Variants in PTPRS observed in about 807,000 individuals in gnomAD.
PTPRS encodes receptor-type tyrosine-protein phosphatase S.
Under a neutral mutation model 215.3 loss-of-function variants are expected in PTPRS, and 63 were observed. The observed-to-expected ratio is 0.29, with a 90% CI of 0.24 to 0.36. The LOEUF is 0.36. PTPRS is among the 10% of genes least tolerant of loss of function. PTPRS has a pLI of 1.00. For missense variants in PTPRS, 2,258 were observed against 2,825.8 expected, an observed-to-expected ratio of 0.80 and a Z score of 4.56; for synonymous variants, 1,404 against 1,191.4, an observed-to-expected ratio of 1.18 and a Z score of -3.68.
At chr19:5,277,723 T>A (rs940531905) in intron 2 of PTPRS, 1 of 640,482 alleles carries the variant, frequency 1.6e-6, no homozygotes, top group African/African-American at 1.8e-5. Flanking sequence ...AGCCGTCTCC[T>A]CCTCAGCATC....
chr19:5,243,773 A>T, intron 11 of PTPRS, 128 bp downstream of exon 11: 1 of 924,972 alleles, frequency 1.1e-6, no homozygotes, highest in Non-Finnish European at 1.5e-6. Context: ...CACCCGGCCT[A>T]AATGCTAGCA....
intron 1 of PTPRS, among the ~76,000 whole-genome samples, chr19:5,297,719 T>C (rs2049178591): frequency 6.6e-6 from 1 of 151,780 alleles, no homozygotes; most frequent in Admixed American, 6.6e-5. Flanking sequence ...GACAACAGAG[T>C]TGCAGGCAGG....
intron 12 of PTPRS, among the ~76,000 whole-genome samples, chr19:5,239,622 C>T (rs545349086): frequency 1.4e-5 from 2 of 143,772 alleles, no homozygotes; most frequent in Middle Eastern, 3.6e-3. Flanking sequence ...GGGAGAGAGA[C>T]AGACAGAAAC....
chr19:5,261,669 C>T (rs1393702164), intron 6 of PTPRS, among the ~76,000 whole-genome samples: 2 of 152,142 alleles, frequency 1.3e-5, no homozygotes, highest in Admixed American at 1.3e-4. Context: ...TCTGCGTGGC[C>T]CAAACCCATT....
intron 1 of PTPRS, among the ~76,000 whole-genome samples, chr19:5,313,849 C>T (rs1243690851): frequency 1.3e-5 from 2 of 152,090 alleles, no homozygotes; most frequent in Non-Finnish European, 2.9e-5. Flanking sequence ...GTAATCCCAG[C>T]ATTTTGGGAG....
At chr19:5,337,079 C>T (rs1230343011) in intron 1 of PTPRS, among the ~76,000 whole-genome samples, 1 of 152,186 alleles carries the variant, frequency 6.6e-6, no homozygotes, top group African/African-American at 2.4e-5. Context: ...AGCACTGCGC[C>T]CGCCAAACCT....
chr19:5,291,136 GAAGGC>G, intron 1 of PTPRS, among the ~76,000 whole-genome samples: 1 of 152,188 alleles, frequency 6.6e-6, no homozygotes, highest in South Asian at 2.1e-4. Flanking sequence ...GGGACGACGT[GAAGGC>G]TCAGGGCACT....
intron 30 of PTPRS, 54 bp from the exon 31 acceptor site, chr19:5,212,545 G>A: frequency 6.5e-7 from 1 of 1,532,094 alleles, no homozygotes; most frequent in Non-Finnish European, 8.8e-7. Flanking sequence ...CCACCCATGT[G>A]CTGAAGATGC....
chr19:5,274,143 T>C, intron 3 of PTPRS, 56 bp downstream of exon 3: 3 of 1,571,256 alleles, frequency 1.9e-6, no homozygotes, highest in Non-Finnish European at 2.6e-6. Flanking sequence ...TGAGGTGCTG[T>C]GGCCCTGCCT....
rs540544454 is a variant in PTPRS at position 5,261,954 on chromosome 19, A to T, written c.577+1010T>A. The stretch of plus-strand genomic sequence containing the variant: ...TGGCCTTTGCTAGGACACTGGGATG[A>T]CGATGGTGGAAGTCAGGGTTAAAGA... On this transcript the variant is annotated intron_variant, in intron 6 of 37. Coordinates refer to ENST00000262963, the MANE Select transcript of PTPRS (RefSeq NM_002850.4). Among the ~76,000 whole-genome samples the T allele has an allele frequency of 9.7e-4, 148 of 152,330 alleles. 1 individual carries two copies. In the Middle Eastern group the frequency reaches 0.024, roughly 25 times the overall value.
At position 5,338,333 on chromosome 19, in the gene PTPRS, G is replaced by A. The variant is rs2050572972; in HGVS notation, c.-95+2331C>T. Among the ~76,000 whole-genome samples the A allele has an allele frequency of 2.0e-5, 3 of 151,738 alleles. No individual in the cohort carries two copies. The highest frequency in any genetic ancestry group is 1.3e-4 in the Admixed American group (2 of 15,106). Reference sequence around the variant, plus strand: ...CTCAGGATGATGGAGTATGGCGGGCGGTGGCCCCCAGGGGGCTGGGAGGCC... The same window carrying A: ...CTCAGGATGATGGAGTATGGCGGGCAGTGGCCCCCAGGGGGCTGGGAGGCC... On this transcript the variant is annotated intron_variant, in intron 1 of 37. Transcript: ENST00000262963. The surrounding 1 kb of genome is among the most constrained non-coding windows in gnomAD (Gnocchi z 4.2).
At chr19:5,305,495 T>G (rs574380151) in intron 1 of PTPRS, among the ~76,000 whole-genome samples, 10 of 151,752 alleles carry the variant, frequency 6.6e-5, no homozygotes, top group South Asian at 2.1e-4. Flanking sequence ...TGCAGTGAGC[T>G]ATAATAGTGC....
intron 2 of PTPRS, chr19:5,277,811 C>A: frequency 1.3e-6 from 1 of 757,706 alleles, no homozygotes; most frequent in African/African-American, 1.7e-5. Flanking sequence ...ACCAGTCAGA[C>A]CAATATGTCA....
At position 5,258,123 on chromosome 19, in the gene PTPRS, G is replaced by A. The variant is rs777671461; in HGVS notation, c.600C>T (p.Ala200=). Residue 200 remains alanine (A), a synonymous_variant, in exon 8 of 38, where the codon GCC becomes GCT. Transcript: ENST00000262963. The stretch of plus-strand genomic sequence containing the variant: ...TTTCCTCACTGCTTTCAATCTGCAG[G>A]GCTCCTGTGGGAAGATGGGAAAAAG... The part of the protein sequence containing the change: ...ETFESTPIRG[A]LQIESSEETD... 15 of 1,613,710 alleles carry A rather than the reference G, an allele frequency of 9.3e-6. No homozygotes were observed. The African/African-American group carries it at 2.0e-4, about 22-fold the overall frequency.
chr19:5,313,515 C>G (rs2049775530), intron 1 of PTPRS, among the ~76,000 whole-genome samples: 1 of 152,166 alleles, frequency 6.6e-6, no homozygotes. Flanking sequence ...CCTCCTGTGA[C>G]AGAGATGGGC....
intron 36 of PTPRS, 32 bp downstream of exon 36, chr19:5,208,205 G>A (rs60630722): frequency 0.12 from 185,090 of 1,563,588 alleles, 12,019 homozygotes; most frequent in Admixed American, 0.26. Flanking sequence ...TCCCCAGCAG[G>A]GCCAAAAGCT....
intron 1 of PTPRS, among the ~76,000 whole-genome samples, chr19:5,299,801 C>T (rs1329693434): frequency 1.3e-5 from 2 of 152,010 alleles, no homozygotes; most frequent in East Asian, 1.9e-4. Flanking sequence ...ACCTGGGAGG[C>T]GGAGGTTGCA....
Position 5,258,007 on chromosome 19 carries a change from CG to C in PTPRS, c.706+9del. On this transcript the variant is annotated intron_variant, in intron 8 of 37. Coordinates refer to ENST00000262963, the MANE Select transcript of PTPRS (RefSeq NM_002850.4). Reference sequence around the variant, plus strand: ...GTCCCTGCCTTTGACCTGGACGCGGCGTTCCCTACCTCGCACGTAGAGGTTG... The same window carrying C: ...GTCCCTGCCTTTGACCTGGACGCGGCTTCCCTACCTCGCACGTAGAGGTTG... The C allele has an allele frequency of 1.2e-6, 2 of 1,610,188 alleles. No homozygotes were observed. Among genetic ancestry groups the C allele is most frequent in the Non-Finnish European group, 8.5e-7 (1 of 1,177,250 alleles).
In PTPRS at chr19:5,293,294, G is replaced by A. The variant is rs1012295038; in HGVS notation, c.-94-7060C>T. The A allele has an allele frequency of 6.6e-6, 1 of 150,652 alleles. No homozygotes were observed. Among genetic ancestry groups the A allele is most frequent in the Non-Finnish European group, 1.5e-5 (1 of 67,410 alleles). 9.3% of individuals were successfully genotyped at this position (150,652 alleles called of 1,614,324 possible). A position where few individuals can be genotyped will look rare whatever the true frequency, so the allele number is the denominator to read the frequency against. On this transcript the variant is annotated intron_variant, in intron 1 of 37. Coordinates refer to ENST00000262963, the MANE Select transcript of PTPRS (RefSeq NM_002850.4). This position sits in a 1 kb window ranked among gnomAD's most constrained non-coding sequence, Gnocchi z 8.4. ...GGAGCTCGGCCTGGGGGCGGGGCAA[G>A]GGGCGGGGCTGTAGGGGGCGGGGTT...
Sources: allele counts gnomAD v4.1 joint callset (sites outside exome capture counted in the v4.1 genomes callset), GRCh38; gene constraint gnomAD v4.1.1; non-coding constraint Gnocchi (gnomAD v3.1); transcripts MANE v1.5; gene names NCBI Gene and HGNC (gene_info 2026-07-23, HGNC 2026-07-21).